ITPR2: variants seen among roughly 807,000 people sequenced by gnomAD.
The protein encoded by ITPR2 is inositol 1,4,5-trisphosphate receptor type 2.
A neutral mutation model predicts 317.1 loss-of-function variants in ITPR2; 207 were observed. The observed-to-expected ratio is 0.65, with a 90% CI of 0.58 to 0.73. The LOEUF is 0.73. Among genes scored for constraint, ITPR2 ranks in the 30% least tolerant of loss-of-function variants. The pLI, the probability that ITPR2 is intolerant of heterozygous loss-of-function variation, is 0.00. For synonymous variants in ITPR2, 1,156 were observed against 1,149.1 expected (o/e 1.01, Z -0.12); for missense variants, 2,613 against 3,284.0 (o/e 0.80, Z 4.99).
At chr12:26,514,187 A>T (rs1738114341) in intron 37 of ITPR2, among the ~76,000 whole-genome samples, 1 of 152,302 alleles carries the variant, frequency 6.6e-6, no homozygotes, top group South Asian at 2.1e-4. Context: ...CCAACTAACT[A>T]CGATGTTTTT....
At chr12:26,424,325 G>GAGCA (rs1245568467) in intron 49 of ITPR2, among the ~76,000 whole-genome samples, 30 of 152,030 alleles carry the variant, frequency 2.0e-4, no homozygotes, top group African/African-American at 6.3e-4. Context: ...GAACTCTGAT[G>GAGCA]GTCATTAAGG....
chr12:26,652,136 C>A (rs764457668), intron 21 of ITPR2, among the ~76,000 whole-genome samples: 1 of 152,168 alleles, frequency 6.6e-6, no homozygotes, highest in Non-Finnish European at 1.5e-5. Flanking sequence ...CCTTTGCACA[C>A]GATCCCTTTT....
intron 1 of ITPR2, among the ~76,000 whole-genome samples, chr12:26,806,742 G>A (rs546003954): frequency 4.6e-4 from 70 of 152,214 alleles, no homozygotes; most frequent in African/African-American, 1.6e-3. Flanking sequence ...GTTTCGCCAC[G>A]TTTCCCACTC....
intron 15 of ITPR2, among the ~76,000 whole-genome samples, chr12:26,661,607 G>C (rs1947505051): frequency 1.3e-5 from 2 of 152,174 alleles, no homozygotes; most frequent in South Asian, 2.1e-4. Flanking sequence ...TGATGGGCCT[G>C]AGGGCCCTGG....
At chr12:26,344,953 T>G (rs932566562) in intron 55 of ITPR2, among the ~76,000 whole-genome samples, 1 of 152,154 alleles carries the variant, frequency 6.6e-6, no homozygotes, top group Non-Finnish European at 1.5e-5. Context: ...TTTCACTCCT[T>G]GTATCTGTCT....
chr12:26,753,482 C>T lies in ITPR2; in HGVS notation c.164-27717G>A, dbSNP rs535508796. On this transcript the variant is annotated intron_variant, in intron 2 of 56. Transcript: ENST00000381340. ...AAAAGATCCCTTCATTACCGACAAG[C>T]GGTCACCTGAACTTTTCAGTGTCAC... is the stretch of plus-strand genomic sequence containing the variant. Among the ~76,000 whole-genome samples, 78 of 152,246 alleles carry T rather than the reference C, an allele frequency of 5.1e-4. 1 individual carries two copies. Among genetic ancestry groups the T allele is most frequent in the East Asian group, 3.7e-3 (19 of 5,178 alleles).
intron 52 of ITPR2, among the ~76,000 whole-genome samples, chr12:26,410,786 T>C (rs1940522197): frequency 6.6e-6 from 1 of 152,204 alleles, no homozygotes; most frequent in African/African-American, 2.4e-5. Context: ...TAAAGAATTA[T>C]TATTTTTATA....
chr12:26,710,008 GCAGGCGCTTGAGTC>G (rs1432718632), intron 9 of ITPR2, among the ~76,000 whole-genome samples: 1 of 152,180 alleles, frequency 6.6e-6, no homozygotes, highest in Non-Finnish European at 1.5e-5. Flanking sequence ...GGAGGCCGAG[GCAGGCGCTTGAGTC>G]CAGGAGTCTG....
chr12:26,763,131 T>C (rs1949664980), intron 2 of ITPR2, among the ~76,000 whole-genome samples: 1 of 152,126 alleles, frequency 6.6e-6, no homozygotes, highest in Non-Finnish European at 1.5e-5. Context: ...CTCACTACAA[T>C]AAATACATTT....
intron 37 of ITPR2, among the ~76,000 whole-genome samples, chr12:26,501,130 C>T (rs1199746577): frequency 3.3e-5 from 5 of 152,026 alleles, no homozygotes; most frequent in Admixed American, 2.6e-4. Context: ...TGATAAGCTA[C>T]CAATCAGCTG....
At chr12:26,588,615 C>CTT (rs1447487364) in intron 32 of ITPR2, among the ~76,000 whole-genome samples, 1 of 152,114 alleles carries the variant, frequency 6.6e-6, no homozygotes, top group Non-Finnish European at 1.5e-5. Flanking sequence ...ACTCCAACCT[C>CTT]TTACATATTT....
chr12:26,784,357 C>G (rs1468763618), intron 2 of ITPR2, among the ~76,000 whole-genome samples: 1 of 42,540 alleles, frequency 2.4e-5, no homozygotes, highest in African/African-American at 6.5e-5. Context: ...CTCCCTCTCC[C>G]TCTCCCTCCA....
chr12:26,829,430 A>C (rs1241286202), intron 1 of ITPR2, among the ~76,000 whole-genome samples: 2 of 151,966 alleles, frequency 1.3e-5, no homozygotes, highest in African/African-American at 4.8e-5. Context: ...TCCCAAGCTC[A>C]AGTGACCATC....
intron 2 of ITPR2, among the ~76,000 whole-genome samples, chr12:26,739,296 T>C (rs1467772243): frequency 6.6e-6 from 1 of 152,182 alleles, no homozygotes; most frequent in Admixed American, 6.5e-5. Flanking sequence ...AGTAATCCCA[T>C]TCCAAGATGT....
chr12:26,527,675 T>C (rs1023976575), intron 37 of ITPR2, among the ~76,000 whole-genome samples: 3 of 152,210 alleles, frequency 2.0e-5, no homozygotes. Context: ...ATACTAATGG[T>C]TTGTTATTCA....
chr12:26,643,096 G>T (rs562528262), intron 21 of ITPR2, among the ~76,000 whole-genome samples: 28 of 152,252 alleles, frequency 1.8e-4, no homozygotes, highest in Non-Finnish European at 3.5e-4. Context: ...AATTCCCCTT[G>T]CCCCTTTCCC....
chr12:26,374,676 C>T (rs1364913639), intron 55 of ITPR2, among the ~76,000 whole-genome samples: 3 of 152,098 alleles, frequency 2.0e-5, no homozygotes, highest in African/African-American at 4.8e-5. Flanking sequence ...GTGTTTAATC[C>T]ACACAGGAAT....
intron 26 of ITPR2, 54 bp downstream of exon 26, chr12:26,621,069 A>G (rs1946481090): frequency 3.4e-6 from 5 of 1,464,718 alleles, no homozygotes; most frequent in Middle Eastern, 1.8e-4. Context: ...GTGGTTATAT[A>G]TCTGACTTAA....
chr12:26,819,936 T>A (rs927409966), intron 1 of ITPR2, among the ~76,000 whole-genome samples: 1 of 151,982 alleles, frequency 6.6e-6, no homozygotes, highest in Non-Finnish European at 1.5e-5. Flanking sequence ...CTGGGCATGG[T>A]GGCACGAGCC....
Sources: gnomAD v4.1 joint callset for allele counts (sites outside exome capture counted in the v4.1 genomes callset) on GRCh38, gnomAD v4.1.1 for gene constraint, MANE v1.5 for transcripts, NCBI Gene and HGNC (gene_info 2026-07-23, HGNC 2026-07-21) for gene names.